The following TMTC2 variants were observed in gnomAD, a reference collection of about 807,000 sequenced individuals.
The protein encoded by TMTC2 is protein O-mannosyl-transferase TMTC2.
Under a neutral mutation model 82.4 loss-of-function variants are expected in TMTC2, and 43 were observed. That is an observed-to-expected ratio of 0.52 (90% CI 0.41 to 0.67). The LOEUF is 0.67. Among genes scored for constraint, TMTC2 ranks in the 30% least tolerant of loss-of-function variants. The pLI is 0.00. For synonymous variants in TMTC2, 408 were observed against 381.9 expected (o/e 1.07, Z -0.80); for missense variants, 919 against 1,012.4 (o/e 0.91, Z 1.25).
At chr12:82,973,075 A>G (rs1878517776) in intron 7 of TMTC2, among the ~76,000 whole-genome samples, 1 of 152,172 alleles carries the variant, frequency 6.6e-6, no homozygotes, top group Non-Finnish European at 1.5e-5. Context: ...TAACTGTATG[A>G]GATTTGAACT....
chr12:83,015,764 A>G (rs1033475250), intron 8 of TMTC2, among the ~76,000 whole-genome samples: 15 of 152,214 alleles, frequency 9.9e-5, no homozygotes, highest in Admixed American at 3.9e-4. Context: ...GCCAAAACAC[A>G]TGTGTGTGCT....
Position 82,896,596 on chromosome 12 carries a change from A to G in TMTC2, c.1433A>G (p.Gln478Arg). The change falls in exon 3 of 12, where the codon CAG (glutamine) becomes CGG (arginine). Residue 478 changes from glutamine to arginine, a missense_variant. Physicochemically the swap from Gln to Arg is conservative, Grantham distance 43. Transcript: ENST00000321196. ...ACTGCGATCAGGAATGGAGACTGGC[A>G]GAATGAGGAAATGCTTTATAGATCA... ...LKTAIRNGDW[Q>R]NEEMLYRSGI... 3.1e-6 allele frequency: 5 copies of G among 1,613,798 alleles called. No individual in the cohort carries two copies. Among genetic ancestry groups the G allele is most frequent in the Non-Finnish European group, 4.2e-6 (5 of 1,179,950 alleles).
chr12:83,064,926 C>T (rs1209125023), intron 11 of TMTC2, among the ~76,000 whole-genome samples: 1 of 151,946 alleles, frequency 6.6e-6, no homozygotes, highest in Admixed American at 6.6e-5. Context: ...CAGACTTCAA[C>T]TGCCGTCTTC....
chr12:82,927,068 T>C (rs1463950466), intron 3 of TMTC2, among the ~76,000 whole-genome samples: 1 of 152,236 alleles, frequency 6.6e-6, no homozygotes, highest in Non-Finnish European at 1.5e-5. Flanking sequence ...TCAAGTCTTC[T>C]AATTTAAGAA....
At chr12:82,939,543 A>G (rs759545340) in intron 4 of TMTC2, among the ~76,000 whole-genome samples, 15 of 152,126 alleles carry the variant, frequency 9.9e-5, no homozygotes, top group Non-Finnish European at 1.8e-4. Context: ...GTATTAAGGT[A>G]TAATTTTTTC....
At chr12:83,123,308 C>T (rs1015590356) in intron 11 of TMTC2, among the ~76,000 whole-genome samples, 13 of 152,176 alleles carry the variant, frequency 8.5e-5, no homozygotes, top group African/African-American at 2.4e-4. Flanking sequence ...TTATTCAAAG[C>T]CATTTCAAAA....
chr12:83,094,513 G>T (rs1883956456), intron 11 of TMTC2, among the ~76,000 whole-genome samples: 1 of 152,190 alleles, frequency 6.6e-6, no homozygotes, highest in African/African-American at 2.4e-5. Context: ...TGGTCAGAAA[G>T]AAAGTAATAC....
chr12:82,749,357 A>G (rs1413486484), intron 1 of TMTC2, among the ~76,000 whole-genome samples: 2 of 152,250 alleles, frequency 1.3e-5, no homozygotes, highest in African/African-American at 2.4e-5. Context: ...CACTATGAGA[A>G]AACAAAATCC....
intron 8 of TMTC2, among the ~76,000 whole-genome samples, chr12:83,007,187 A>G (rs1459361126): frequency 6.7e-6 from 1 of 148,550 alleles, no homozygotes; most frequent in Non-Finnish European, 1.5e-5. Flanking sequence ...TCTCTCTTTC[A>G]TTTATTTCTG....
chr12:83,012,049 A>T (rs1880486745), intron 8 of TMTC2, among the ~76,000 whole-genome samples: 1 of 152,078 alleles, frequency 6.6e-6, no homozygotes, highest in African/African-American at 2.4e-5. Flanking sequence ...TCCTTCCCTA[A>T]GTTAATTTTT....
At chr12:82,726,543 C>G (rs1874458308) in intron 1 of TMTC2, among the ~76,000 whole-genome samples, 1 of 152,082 alleles carries the variant, frequency 6.6e-6, no homozygotes, top group Admixed American at 6.6e-5. Flanking sequence ...GAAATTGAAG[C>G]TTGGAGATGA....
rs150503156 is a variant in TMTC2, at chr12:82,794,606, A to G, written c.84-62404A>G. Among the ~76,000 whole-genome samples the G allele has an allele frequency of 6.6e-5, 10 of 152,268 alleles. No individual in the cohort carries two copies. In the East Asian group the frequency reaches 1.7e-3, roughly 26 times the overall value. On this transcript the variant is annotated intron_variant, in intron 1 of 11. Coordinates refer to ENST00000321196, the MANE Select transcript of TMTC2 (RefSeq NM_152588.3). ...ATTACCACCTCTTATAAAGGCTTCT[A>G]TTATAAGCACATTAAAATGGTCATT...
intron 11 of TMTC2, among the ~76,000 whole-genome samples, chr12:83,072,502 A>G (rs1340743942): frequency 6.6e-6 from 1 of 152,098 alleles, no homozygotes; most frequent in East Asian, 1.9e-4. Context: ...AATGTTCTGT[A>G]TATATCTGTT....
chr12:83,027,707 C>G (rs1881241318), intron 8 of TMTC2, among the ~76,000 whole-genome samples: 1 of 152,070 alleles, frequency 6.6e-6, no homozygotes, highest in African/African-American at 2.4e-5. Flanking sequence ...CACAGTGTCT[C>G]CCCCTAGAAA....
intron 1 of TMTC2, among the ~76,000 whole-genome samples, chr12:82,743,458 A>C (rs1362876840): frequency 6.6e-6 from 1 of 151,986 alleles, no homozygotes; most frequent in Non-Finnish European, 1.5e-5. Context: ...AAAAAAAAAA[A>C]AAAGAAAAAG....
At chr12:83,101,251 A>G (rs1884205373) in intron 11 of TMTC2, among the ~76,000 whole-genome samples, 1 of 152,226 alleles carries the variant, frequency 6.6e-6, no homozygotes, top group African/African-American at 2.4e-5. Flanking sequence ...TTTGTAAGCA[A>G]TGGGCCAGTT....
chr12:82,804,558 TA>T (rs966870251), intron 1 of TMTC2, among the ~76,000 whole-genome samples: 13 of 152,228 alleles, frequency 8.5e-5, no homozygotes, highest in African/African-American at 1.7e-4. Context: ...CTTAGCTAAA[TA>T]TTTTTTTTAA....
At chr12:82,888,525 G>A (rs1873221487) in intron 2 of TMTC2, among the ~76,000 whole-genome samples, 1 of 152,262 alleles carries the variant, frequency 6.6e-6, no homozygotes, top group Admixed American at 6.5e-5. Flanking sequence ...TGGGCTCAGG[G>A]CATCTTCCTA....
intron 1 of TMTC2, among the ~76,000 whole-genome samples, chr12:82,820,435 A>C (rs11115443): frequency 0.061 from 9,195 of 151,468 alleles, 940 homozygotes; most frequent in African/African-American, 0.21. Flanking sequence ...CAGTGGAGTG[A>C]TCTCGGCTCT....
Sources: allele counts gnomAD v4.1 joint callset (sites outside exome capture counted in the v4.1 genomes callset), GRCh38; gene constraint gnomAD v4.1.1; transcripts MANE v1.5; gene names NCBI Gene and HGNC (gene_info 2026-07-23, HGNC 2026-07-21).